Variants in CCDC178 observed in about 807,000 individuals in gnomAD.
CCDC178 encodes the protein coiled-coil domain containing 178, also known as coiled-coil domain-containing protein 178.
In CCDC178, 126 loss-of-function variants were observed where a neutral mutation model predicts 117.4. The observed-to-expected ratio is 1.07, with a 90% CI of 0.93 to 1.24. CCDC178 has a LOEUF of 1.24. Ranked by LOEUF, CCDC178 falls within the 50% of genes most tolerant of loss-of-function variation. The pLI is 0.00. For missense variants in CCDC178, 1,030 were observed against 986.9 expected, an observed-to-expected ratio of 1.04 and a Z score of -0.59; for synonymous variants, 283 against 313.4, an observed-to-expected ratio of 0.90 and a Z score of 1.02.
chr18:32,979,351 G>T (rs2055097303), intron 21 of CCDC178, among the ~76,000 whole-genome samples: 1 of 151,922 alleles, frequency 6.6e-6, no homozygotes, highest in African/African-American at 2.4e-5. Context: ...TAGAGACAGG[G>T]TTTCGCCATG....
intron 2 of CCDC178, among the ~76,000 whole-genome samples, chr18:33,426,144 C>T (rs568337733): frequency 6.6e-6 from 1 of 152,300 alleles, no homozygotes; most frequent in Admixed American, 6.5e-5. Context: ...CTCCTGACTT[C>T]GTGATCCGCC....
intron 21 of CCDC178, among the ~76,000 whole-genome samples, chr18:33,071,294 T>C (rs1182158880): frequency 2.0e-5 from 3 of 151,992 alleles, no homozygotes; most frequent in Non-Finnish European, 4.4e-5. Context: ...ATTGTGAAAA[T>C]AGGAAAATTA....
At chr18:33,059,854 T>C (rs1477556685) in intron 21 of CCDC178, among the ~76,000 whole-genome samples, 1 of 152,096 alleles carries the variant, frequency 6.6e-6, no homozygotes, top group Non-Finnish European at 1.5e-5. Flanking sequence ...TTCAATGTCT[T>C]CCCATTGTCT....
At chr18:33,155,306 G>T (rs982825841) in intron 20 of CCDC178, among the ~76,000 whole-genome samples, 2 of 151,998 alleles carry the variant, frequency 1.3e-5, no homozygotes, top group African/African-American at 4.8e-5. Context: ...AACATTTACG[G>T]TAGAATGAAA....
chr18:33,058,240 C>G (rs559429621), intron 21 of CCDC178, among the ~76,000 whole-genome samples: 1 of 152,112 alleles, frequency 6.6e-6, no homozygotes, highest in Admixed American at 6.5e-5. Flanking sequence ...AAAATGGAAA[C>G]AACATAAATG....
intron 18 of CCDC178, among the ~76,000 whole-genome samples, chr18:33,219,407 C>G (rs1410907961): frequency 1.3e-5 from 2 of 152,046 alleles, no homozygotes; most frequent in Non-Finnish European, 2.9e-5. Context: ...ACCATTTGAC[C>G]CAGCCATCCC....
intron 3 of CCDC178, among the ~76,000 whole-genome samples, chr18:33,406,446 T>C (rs2063781379): frequency 6.6e-6 from 1 of 151,978 alleles, no homozygotes; most frequent in Non-Finnish European, 1.5e-5. Flanking sequence ...GACTACTATA[T>C]AAAATAATAG....
chr18:33,251,749 T>C (rs531614967), intron 14 of CCDC178, among the ~76,000 whole-genome samples: 1 of 151,844 alleles, frequency 6.6e-6, no homozygotes, highest in African/African-American at 2.4e-5. Flanking sequence ...TGTTTTCTTT[T>C]ATCTACTGCC....
intron 21 of CCDC178, among the ~76,000 whole-genome samples, chr18:33,023,134 T>C (rs1234107119): frequency 1.3e-5 from 2 of 152,114 alleles, no homozygotes; most frequent in Non-Finnish European, 2.9e-5. Context: ...CAACAATAGT[T>C]GATGATTTCA....
intron 20 of CCDC178, among the ~76,000 whole-genome samples, chr18:33,102,190 C>T (rs2057638324): frequency 6.6e-6 from 1 of 151,584 alleles, no homozygotes; most frequent in Non-Finnish European, 1.5e-5. Flanking sequence ...GAAATAGGGG[C>T]AACGGAAGTC....
intron 11 of CCDC178, among the ~76,000 whole-genome samples, chr18:33,297,116 T>C (rs531591485): frequency 1.4e-4 from 22 of 151,998 alleles, no homozygotes; most frequent in African/African-American, 4.6e-4. Flanking sequence ...AAATTAAAAA[T>C]ACAATTAAAG....
At chr18:33,054,047 G>A (rs2056787869) in intron 21 of CCDC178, among the ~76,000 whole-genome samples, 1 of 152,092 alleles carries the variant, frequency 6.6e-6, no homozygotes, top group African/African-American at 2.4e-5. Flanking sequence ...AAGGTGTCCA[G>A]TGCTTTTCTT....
intron 21 of CCDC178, among the ~76,000 whole-genome samples, chr18:33,003,001 C>A (rs1169638313): frequency 6.6e-6 from 1 of 152,012 alleles, no homozygotes; most frequent in Admixed American, 6.6e-5. Flanking sequence ...TCTGAACAGA[C>A]CAAAAGCAAA....
At chr18:33,034,025 T>C (rs1477022718) in intron 21 of CCDC178, among the ~76,000 whole-genome samples, 1 of 151,776 alleles carries the variant, frequency 6.6e-6, no homozygotes, top group Admixed American at 6.6e-5. Flanking sequence ...TCAACCAATG[T>C]CATCATCTTT....
At chr18:33,236,792 G>A (rs28426669) in intron 15 of CCDC178, among the ~76,000 whole-genome samples, 14,934 of 152,136 alleles carry the variant, frequency 0.098, 967 homozygotes, top group African/African-American at 0.19. Flanking sequence ...AGAGCAGCAC[G>A]AAGGCACCTG....
intron 12 of CCDC178, among the ~76,000 whole-genome samples, chr18:33,290,807 A>G (rs2060156969): frequency 6.6e-6 from 1 of 152,106 alleles, no homozygotes; most frequent in Non-Finnish European, 1.5e-5. Context: ...CAAACATAAA[A>G]GCCTAATATG....
intron 20 of CCDC178, among the ~76,000 whole-genome samples, chr18:33,130,760 T>C (rs2058061308): frequency 6.6e-6 from 1 of 151,986 alleles, no homozygotes; most frequent in Non-Finnish European, 1.5e-5. Flanking sequence ...CTTCCTCTTA[T>C]CAAGCTTAAC....
At chr18:33,113,353 T>C (rs1023256890) in intron 20 of CCDC178, among the ~76,000 whole-genome samples, 1 of 152,084 alleles carries the variant, frequency 6.6e-6, no homozygotes, top group Non-Finnish European at 1.5e-5. Context: ...TTATTTTAGT[T>C]GGAAAGAGAT....
At chr18:33,278,566 G>A (rs112669021) in intron 12 of CCDC178, among the ~76,000 whole-genome samples, 4 of 151,726 alleles carry the variant, frequency 2.6e-5, no homozygotes, top group East Asian at 1.9e-4. Flanking sequence ...ATTTATATAC[G>A]GAATATAGGC....
Sources: allele counts gnomAD v4.1 joint callset (sites outside exome capture counted in the v4.1 genomes callset), GRCh38; gene constraint gnomAD v4.1.1; transcripts MANE v1.5; gene names NCBI Gene and HGNC (gene_info 2026-07-23, HGNC 2026-07-21).